The following ELSPBP1 variants were observed in gnomAD, a reference collection of about 807,000 sequenced individuals.
The protein encoded by ELSPBP1 is epididymal sperm binding protein 1, also known as epididymal sperm-binding protein 1.
ELSPBP1 carries 38 observed loss-of-function variants against 33.3 expected under a neutral mutation model. The ratio of observed to expected loss-of-function variants is 1.14; its 90% confidence interval spans 0.88 to 1.50. The LOEUF is 1.50. ELSPBP1 is among the 40% of genes most tolerant of loss of function. The probability of loss-of-function intolerance (pLI) is 0.00; values close to 1 mark genes in which losing one functional copy is unlikely to be tolerated. For synonymous variants in ELSPBP1, 85 were observed against 94.1 expected (o/e 0.90, Z 0.56); for missense variants, 267 against 263.5 (o/e 1.01, Z -0.09).
At chr19:48,016,527 TCTTCCTTCCTTCCTTCCTTCCTTC>T (rs1292111942) in intron 4 of ELSPBP1, among the ~76,000 whole-genome samples, 4 of 50,480 alleles carry the variant, frequency 7.9e-5, no homozygotes, top group African/African-American at 2.7e-4. Flanking sequence ...TTTCTTTCTT[TCTTCCTTCCTTCCTTCCTTCCTTC>T]CTTCCTTCCT....
In ELSPBP1 at chr19:47,996,217, AATGG is replaced by A. The variant is rs529844325; in HGVS notation, c.-18+1416_-18+1419del. 2.6e-3 allele frequency among the ~76,000 whole-genome samples: 395 copies of A among 152,218 alleles called. 1 individual carries two copies. Among genetic ancestry groups the A allele is most frequent in the African/African-American group, 9.1e-3 (377 of 41,540 alleles). ...TAGAAGAATGGATGAACAGTGAAAG[AATGG>A]ATGGATGGAAGGATGGATGAGAAGT... On this transcript the variant is annotated intron_variant, in intron 1 of 6. Coordinates refer to ENST00000339841, the MANE Select transcript of ELSPBP1 (RefSeq NM_022142.5).
chr19:48,014,282 G>A lies in ELSPBP1; in HGVS notation c.182G>A (p.Gly61Asp). ...TGTGCCACCAGAGCCGTGTACAACGGCCAGTGGAAGTACTGCCAGAGTGAA... is the reference window on the plus strand; with the variant it reads ...TGTGCCACCAGAGCCGTGTACAACGACCAGTGGAAGTACTGCCAGAGTGAA... ...PWCATRAVYN[G>D]QWKYCQSEDY... The change falls in exon 3 of 7, where the codon GGC (glycine) becomes GAC (aspartate). Residue 61 changes from glycine (G) to aspartate (D), a missense_variant. Coordinates refer to ENST00000339841, the MANE Select transcript of ELSPBP1 (RefSeq NM_022142.5). The A allele has an allele frequency of 1.2e-6, 2 of 1,613,662 alleles. No individual in the cohort carries two copies. Among genetic ancestry groups the A allele is most frequent in the Non-Finnish European group, 1.7e-6 (2 of 1,179,948 alleles).
At chr19:47,997,293 C>T (rs1228931252) in intron 1 of ELSPBP1, among the ~76,000 whole-genome samples, 1 of 152,140 alleles carries the variant, frequency 6.6e-6, no homozygotes, top group Non-Finnish European at 1.5e-5. Context: ...AAACTGCCTC[C>T]TATTGCTTTA....
intron 2 of ELSPBP1, among the ~76,000 whole-genome samples, chr19:48,009,094 C>T (rs11878773): frequency 0.17 from 24,663 of 148,890 alleles, 2,099 homozygotes; most frequent in South Asian, 0.22. Flanking sequence ...CGAGATCGTA[C>T]CACTGAACTC....
intron 1 of ELSPBP1, among the ~76,000 whole-genome samples, chr19:48,007,494 C>T (rs771410138): frequency 2.0e-5 from 3 of 152,062 alleles, no homozygotes; most frequent in Non-Finnish European, 2.9e-5. Flanking sequence ...GGGAGCCAGC[C>T]GTAGAAGTGG....
chr19:47,996,235 T>C (rs1966910596), intron 1 of ELSPBP1, among the ~76,000 whole-genome samples: 1 of 151,766 alleles, frequency 6.6e-6, no homozygotes, highest in Non-Finnish European at 1.5e-5. Context: ...GATGGAAGGA[T>C]GGATGAGAAG....
In ELSPBP1 at chr19:48,008,702, C is replaced by G; in HGVS notation, c.35C>G (p.Thr12Arg). ...TGGTCCAGTTACCTGTTGGGATGGA[C>G]AACCTTCCTTCTCTATTCCTATGAG... ...TRWSSYLLGW[T>R]TFLLYSYESS... The change falls in exon 2 of 7, where the codon ACA becomes AGA. Residue 12 changes from threonine (T) to arginine (R), a missense_variant. By Grantham distance (71) the Thr-to-Arg change is moderately conservative. Transcript: ENST00000339841. 1 of 1,613,844 alleles carries G rather than the reference C, an allele frequency of 6.2e-7. No homozygotes were observed. Among genetic ancestry groups the G allele is most frequent in the Non-Finnish European group, 8.5e-7 (1 of 1,179,914 alleles).
chr19:48,024,308 G>C (rs1967247474), intron 6 of ELSPBP1, among the ~76,000 whole-genome samples: 1 of 152,088 alleles, frequency 6.6e-6, no homozygotes, highest in Non-Finnish European at 1.5e-5. Context: ...ATGTTCTCCA[G>C]CCTGTAGAAA....
chr19:48,012,762 T>C (rs1967091508), intron 2 of ELSPBP1, among the ~76,000 whole-genome samples: 1 of 152,218 alleles, frequency 6.6e-6, no homozygotes, highest in African/African-American at 2.4e-5. Context: ...TACTATTATT[T>C]ACTCAACATT....
At chr19:48,006,635 A>G (rs1967021549) in intron 1 of ELSPBP1, among the ~76,000 whole-genome samples, 1 of 141,784 alleles carries the variant, frequency 7.1e-6, no homozygotes, top group African/African-American at 2.7e-5. Flanking sequence ...AAAAAAAAAA[A>G]AAAAAAAAAA....
At chr19:48,023,270 AAAG>A (rs1600114262) in intron 6 of ELSPBP1, among the ~76,000 whole-genome samples, 1 of 137,822 alleles carries the variant, frequency 7.3e-6, no homozygotes, top group East Asian at 2.3e-4. Context: ...GAGAGGGAGG[AAAG>A]AAGAAAGGAG....
At position 47,994,810 on chromosome 19, in the gene ELSPBP1, AG is replaced by A. The variant is rs1370926330; in HGVS notation, c.-18+1del. ...CCAGGGCCCAGAAGAACTCTCTCAA[AG>A]GTACATTTTGACCCGGAAACTTGGG... On this transcript the variant is annotated splice_region_variant and 5_prime_UTR_variant, in exon 1 of 7. Coordinates refer to ENST00000339841, the MANE Select transcript of ELSPBP1 (RefSeq NM_022142.5). 1.3e-5 allele frequency: 2 copies of A among 152,226 alleles called. No individual in the cohort carries two copies. Among genetic ancestry groups the A allele is most frequent in the Non-Finnish European group, 2.9e-5 (2 of 68,048 alleles). The allele number at this position is 152,226 out of a possible 1,614,324, so 9.4% of individuals were successfully genotyped here.
At position 48,019,852 on chromosome 19, in the gene ELSPBP1, A is replaced by G; in HGVS notation, c.489A>G (p.Gly163=). Residue 163 remains glycine (G), a synonymous_variant, in exon 5 of 7, where the codon GGA becomes GGG. Transcript: ENST00000339841. ...CPTTENMDKD[G]KWSFCADTRI... The stretch of plus-strand genomic sequence containing the variant: ...CCACAGAGAACATGGATAAGGATGG[A>G]AAGTGGAGTTTCTGTGCCGACACCA... The G allele has an allele frequency of 6.2e-7, 1 of 1,613,762 alleles. No homozygotes were observed. The highest frequency in any genetic ancestry group is 1.1e-5 in the South Asian group (1 of 90,990).
chr19:47,994,979 C>T (rs975526740), intron 1 of ELSPBP1, among the ~76,000 whole-genome samples, 168 bp downstream of exon 1: 3 of 152,168 alleles, frequency 2.0e-5, no homozygotes, highest in Non-Finnish European at 2.9e-5. Context: ...AAGAAGAGTG[C>T]AATTTATTTT....
intron 1 of ELSPBP1, among the ~76,000 whole-genome samples, chr19:48,006,688 C>T (rs1967023880): frequency 6.6e-6 from 1 of 150,882 alleles, no homozygotes; most frequent in Non-Finnish European, 1.5e-5. Context: ...CTGAAGTCAC[C>T]CAGCTGGTAA....
chr19:47,999,859 G>C (rs1966949943), intron 1 of ELSPBP1, among the ~76,000 whole-genome samples: 1 of 149,484 alleles, frequency 6.7e-6, no homozygotes, highest in African/African-American at 2.5e-5. Flanking sequence ...GTCTCGCTCT[G>C]TCATTCAGGC....
chr19:48,024,766 G>T (rs183377976), intron 6 of ELSPBP1, among the ~76,000 whole-genome samples, 186 bp from the exon 7 acceptor site: 41 of 152,248 alleles, frequency 2.7e-4, no homozygotes, highest in South Asian at 1.7e-3. Context: ...GGAGCTCATT[G>T]TTCATTGATC....
chr19:48,024,036 ATTT>A (rs111833936), intron 6 of ELSPBP1, among the ~76,000 whole-genome samples: 1,604 of 131,902 alleles, frequency 0.012, 27 homozygotes, highest in African/African-American at 0.038. Flanking sequence ...ATGCCCAGCA[ATTT>A]TTTTTTTTTT....
intron 4 of ELSPBP1, among the ~76,000 whole-genome samples, chr19:48,017,537 C>T (rs916219066): frequency 1.0e-3 from 154 of 152,202 alleles, no homozygotes; most frequent in African/African-American, 3.6e-3. Context: ...GTCATTAATA[C>T]ATCATTAATT....
Sources: allele counts gnomAD v4.1 joint callset (sites outside exome capture counted in the v4.1 genomes callset), GRCh38; gene constraint gnomAD v4.1.1; transcripts MANE v1.5; gene names NCBI Gene and HGNC (gene_info 2026-07-23, HGNC 2026-07-21).